The following PTPRD variants were observed in gnomAD, a reference collection of about 807,000 sequenced individuals.
PTPRD encodes protein tyrosine phosphatase receptor type D.
Under a neutral mutation model 214.5 loss-of-function variants are expected in PTPRD, and 34 were observed. The observed-to-expected ratio is 0.16, with a 90% CI of 0.12 to 0.21. The LOEUF (loss-of-function observed/expected upper bound fraction) is 0.21. Ranked by LOEUF, PTPRD falls within the 10% of genes least tolerant of loss-of-function variation. The pLI is 1.00. For synonymous variants in PTPRD, 1,128 were observed against 845.7 expected (o/e 1.33, Z -5.79); for missense variants, 2,545 against 2,398.7 (o/e 1.06, Z -1.27).
At chr9:9,982,478 GTGTGTGT>G (rs754464473) in intron 4 of PTPRD, among the ~76,000 whole-genome samples, 3,265 of 148,844 alleles carry the variant, frequency 0.022, 72 homozygotes, top group East Asian at 0.055. Flanking sequence ...TGGTGGTGGT[GTGTGTGT>G]GTGTGTGTGT....
chr9:10,564,655 A>G (rs1163078182), intron 2 of PTPRD, among the ~76,000 whole-genome samples: 1 of 151,950 alleles, frequency 6.6e-6, no homozygotes, highest in Non-Finnish European at 1.5e-5. Context: ...TTGGGTGCAG[A>G]CTCAGGGGCT....
At chr9:9,319,495 T>C (rs961689189) in intron 9 of PTPRD, among the ~76,000 whole-genome samples, 7 of 152,214 alleles carry the variant, frequency 4.6e-5, no homozygotes, top group African/African-American at 1.7e-4. Context: ...CATTTGTTAG[T>C]TTCAGACTAG....
At chr9:8,628,614 CAAAAAAA>C (rs57311712) in intron 14 of PTPRD, among the ~76,000 whole-genome samples, 1 of 101,254 alleles carries the variant, frequency 9.9e-6, no homozygotes, top group Non-Finnish European at 2.2e-5. Flanking sequence ...CATATCAGGC[CAAAAAAA>C]AAAAAAAGAA....
chr9:8,566,478 A>T (rs961942652), intron 14 of PTPRD, among the ~76,000 whole-genome samples: 1 of 152,188 alleles, frequency 6.6e-6, no homozygotes, highest in African/African-American at 2.4e-5. Flanking sequence ...TAATATCCTC[A>T]GTATGAAACA....
chr9:8,516,226 T>C (rs2097778352), intron 21 of PTPRD, among the ~76,000 whole-genome samples: 1 of 152,196 alleles, frequency 6.6e-6, no homozygotes, highest in South Asian at 2.1e-4. Flanking sequence ...GAAGCTTTTT[T>C]GGTAAGAACA....
intron 10 of PTPRD, among the ~76,000 whole-genome samples, chr9:9,156,200 G>T (rs2099881041): frequency 6.6e-6 from 1 of 152,052 alleles, no homozygotes; most frequent in Admixed American, 6.6e-5. Context: ...TACATATCTT[G>T]ACATACTTTT....
chr9:10,602,922 T>C (rs915258782), intron 2 of PTPRD, among the ~76,000 whole-genome samples: 3 of 151,804 alleles, frequency 2.0e-5, no homozygotes, highest in African/African-American at 7.2e-5. Context: ...CACTCCACCA[T>C]GAGCTTATCT....
At chr9:10,027,566 A>G (rs770214479) in intron 4 of PTPRD, among the ~76,000 whole-genome samples, 10 of 152,228 alleles carry the variant, frequency 6.6e-5, no homozygotes, top group Non-Finnish European at 1.2e-4. Context: ...AAGAATATAC[A>G]TGTTCAGTCA....
chr9:10,394,304 T>G, intron 2 of PTPRD, among the ~76,000 whole-genome samples: 1 of 150,240 alleles, frequency 6.7e-6, no homozygotes, highest in East Asian at 2.0e-4. Flanking sequence ...AACATACTTC[T>G]TTTGAAAACT....
chr9:9,325,926 C>A (rs538714328), intron 9 of PTPRD, among the ~76,000 whole-genome samples: 2 of 152,030 alleles, frequency 1.3e-5, no homozygotes, highest in African/African-American at 4.8e-5. Context: ...TTGTCAAAGG[C>A]CTTTTCTGCT....
rs779930136 is a variant in PTPRD at position 8,317,898 on chromosome 9, G to C, written c.5715C>G (p.Gly1905=). 1 of 1,612,238 alleles carries C rather than the reference G, an allele frequency of 6.2e-7. No individual in the cohort carries two copies. The highest frequency in any genetic ancestry group is 1.1e-5 in the South Asian group (1 of 91,032). ...FSYRAALEYL[G]SFDHYAT is the part of the protein sequence containing the mutation. ...TCTACGTTGCATAGTGGTCAAAGCTGCCCAGGTACTCTAGTGCGGCACGAT... is the reference window on the plus strand; with the variant it reads ...TCTACGTTGCATAGTGGTCAAAGCTCCCCAGGTACTCTAGTGCGGCACGAT... Residue 1905 remains glycine (G), a synonymous_variant, in exon 46 of 46, where the codon GGC becomes GGG. Transcript: ENST00000381196.
rs551779177 is a variant in PTPRD, at chr9:8,855,819, C to A, written c.-103-121873G>T. On this transcript the variant is annotated intron_variant, in intron 11 of 45. Transcript: ENST00000381196. ...TGTCCTTCCTTCACAAAAGAAAATT[C>A]CAGGCAGGCACATTTACAGCTTTTA... is the stretch of plus-strand genomic sequence containing the variant. 3.3e-5 allele frequency among the ~76,000 whole-genome samples: 5 copies of A among 152,240 alleles called. No homozygotes were observed. The East Asian group carries it at 9.7e-4, about 29-fold the overall frequency.
intron 5 of PTPRD, among the ~76,000 whole-genome samples, chr9:9,816,347 A>T (rs1389136635): frequency 6.6e-6 from 1 of 152,076 alleles, no homozygotes; most frequent in Non-Finnish European, 1.5e-5. Context: ...AACAAACAAA[A>T]ATCATCTTTT....
intron 4 of PTPRD, among the ~76,000 whole-genome samples, chr9:9,948,290 A>T (rs577383899): frequency 3.9e-5 from 6 of 151,962 alleles, no homozygotes; most frequent in African/African-American, 1.4e-4. Flanking sequence ...CTGTATCTCA[A>T]TTTTTAAAAA....
chr9:10,265,139 T>C (rs1268810549), intron 3 of PTPRD, among the ~76,000 whole-genome samples: 2 of 152,144 alleles, frequency 1.3e-5, no homozygotes. Flanking sequence ...TAATACAGTA[T>C]GACACCGTGA....
At chr9:10,070,090 T>A (rs934012132) in intron 3 of PTPRD, among the ~76,000 whole-genome samples, 1 of 152,006 alleles carries the variant, frequency 6.6e-6, no homozygotes, top group Non-Finnish European at 1.5e-5. Context: ...AAAAGGTAAT[T>A]CCCTTGCTCA....
intron 31 of PTPRD, among the ~76,000 whole-genome samples, chr9:8,470,512 G>A (rs1353644312): frequency 6.6e-6 from 1 of 152,004 alleles, no homozygotes; most frequent in African/African-American, 2.4e-5. Flanking sequence ...ACAGAATATA[G>A]AACAAGGCAA....
intron 3 of PTPRD, among the ~76,000 whole-genome samples, chr9:10,164,901 A>T (rs2099149943): frequency 6.6e-6 from 1 of 151,520 alleles, no homozygotes; most frequent in Admixed American, 6.6e-5. Context: ...AAGAAAAAAA[A>T]AAAAAGACAA....
intron 39 of PTPRD, among the ~76,000 whole-genome samples, chr9:8,369,486 C>T (rs2080891058): frequency 1.3e-5 from 2 of 151,248 alleles, no homozygotes; most frequent in South Asian, 4.2e-4. Context: ...ATTTTAGTGG[C>T]CTGTTGGTGC....
Sources: allele counts gnomAD v4.1 joint callset (sites outside exome capture counted in the v4.1 genomes callset), GRCh38; gene constraint gnomAD v4.1.1; transcripts MANE v1.5; gene names NCBI Gene and HGNC (gene_info 2026-07-23, HGNC 2026-07-21).